Variants in APBA2 observed in about 807,000 individuals in gnomAD.
APBA2 encodes the protein amyloid-beta A4 precursor protein-binding family A member 2.
A neutral mutation model predicts 75.0 loss-of-function variants in APBA2; 30 were observed. That is an observed-to-expected ratio of 0.40 (90% CI 0.30 to 0.54). The LOEUF is 0.54. Ranked by LOEUF, APBA2 falls within the 20% of genes least tolerant of loss-of-function variation. The pLI is 0.49. For synonymous variants in APBA2, 444 were observed against 409.6 expected (o/e 1.08, Z -1.01); for missense variants, 801 against 1,016.1 (o/e 0.79, Z 2.88).
At chr15:28,900,828 C>G (rs2152629859) in intron 1 of APBA2, among the ~76,000 whole-genome samples, 1 of 152,300 alleles carries the variant, frequency 6.6e-6, no homozygotes, top group Admixed American at 6.5e-5. Context: ...GGCACTCACT[C>G]ATTTGCTCAC....
At chr15:29,090,389 A>G (rs2043502032) in intron 6 of APBA2, among the ~76,000 whole-genome samples, 1 of 152,202 alleles carries the variant, frequency 6.6e-6, no homozygotes, top group East Asian at 1.9e-4. Flanking sequence ...GTCTTTCCCA[A>G]ATCTACTCAA....
intron 2 of APBA2, among the ~76,000 whole-genome samples, chr15:28,922,402 C>T (rs1220599582): frequency 6.6e-6 from 1 of 152,210 alleles, no homozygotes; most frequent in African/African-American, 2.4e-5. Context: ...CCCCACAAGG[C>T]GATTGTGCAG....
intron 8 of APBA2, among the ~76,000 whole-genome samples, chr15:29,095,312 C>G (rs2043798081): frequency 6.6e-6 from 1 of 152,050 alleles, no homozygotes; most frequent in Non-Finnish European, 1.5e-5. Context: ...GCCTGTAATT[C>G]CAGATACTCG....
intron 3 of APBA2, among the ~76,000 whole-genome samples, chr15:29,031,565 G>C (rs1202428677): frequency 6.6e-6 from 1 of 152,082 alleles, no homozygotes; most frequent in South Asian, 2.1e-4. Flanking sequence ...TGCCTCCCCG[G>C]TTCAAGTGAT....
At chr15:29,080,316 G>C (rs939177339) in intron 6 of APBA2, among the ~76,000 whole-genome samples, 2 of 152,176 alleles carry the variant, frequency 1.3e-5, no homozygotes, top group Non-Finnish European at 2.9e-5. Flanking sequence ...TCACCACACT[G>C]CACTGCCTGG....
chr15:29,000,253 A>G (rs56679123), intron 3 of APBA2, among the ~76,000 whole-genome samples: 18,260 of 152,232 alleles, frequency 0.12, 1,553 homozygotes, highest in East Asian at 0.27. Flanking sequence ...AATATGAACC[A>G]GATTAGAACA....
intron 4 of APBA2, among the ~76,000 whole-genome samples, chr15:29,061,069 T>C (rs2042110608): frequency 6.6e-6 from 1 of 152,110 alleles, no homozygotes; most frequent in South Asian, 2.1e-4. Flanking sequence ...CCCACACTCC[T>C]GGGGGGCACC....
intron 4 of APBA2, among the ~76,000 whole-genome samples, chr15:29,057,123 A>G (rs901158743): frequency 3.3e-5 from 5 of 151,964 alleles, no homozygotes; most frequent in Admixed American, 6.6e-5. Flanking sequence ...AGTGATCCCT[A>G]TGGTTGAGGC....
chr15:28,926,162 C>A (rs1399897131), intron 2 of APBA2, among the ~76,000 whole-genome samples: 1 of 152,052 alleles, frequency 6.6e-6, no homozygotes, highest in East Asian at 1.9e-4. Context: ...GTGTTTTGAT[C>A]ATTCACATTT....
intron 2 of APBA2, among the ~76,000 whole-genome samples, chr15:28,934,638 G>A (rs923843969): frequency 3.3e-5 from 5 of 152,122 alleles, no homozygotes; most frequent in African/African-American, 9.7e-5. Flanking sequence ...GCTGGATTTG[G>A]TGGTGGCTCA....
At chr15:28,974,747 T>G (rs1426553690) in intron 2 of APBA2, among the ~76,000 whole-genome samples, 1 of 152,126 alleles carries the variant, frequency 6.6e-6, no homozygotes, top group African/African-American at 2.4e-5. Context: ...TGACGATAAT[T>G]AAAATATATC....
intron 6 of APBA2, among the ~76,000 whole-genome samples, chr15:29,080,830 A>G (rs1291207549): frequency 1.3e-5 from 2 of 152,344 alleles, no homozygotes; most frequent in East Asian, 1.9e-4. Flanking sequence ...TGGCAGCTTC[A>G]GTACAAAATA....
chr15:29,044,804 G>T (rs2041221702), intron 3 of APBA2, among the ~76,000 whole-genome samples: 1 of 152,210 alleles, frequency 6.6e-6, no homozygotes, highest in South Asian at 2.1e-4. Context: ...TAGTGTCTTA[G>T]TCAGCTCAGG....
At chr15:28,895,974 G>T (rs967602749) in intron 1 of APBA2, among the ~76,000 whole-genome samples, 5 of 152,170 alleles carry the variant, frequency 3.3e-5, no homozygotes, top group African/African-American at 4.8e-5. Context: ...TTAGTCGGAT[G>T]TGGTGGCTCA....
chr15:29,107,185 ACC>A (rs1461484179), intron 12 of APBA2, among the ~76,000 whole-genome samples: 1 of 151,052 alleles, frequency 6.6e-6, no homozygotes, highest in Non-Finnish European at 1.5e-5. Context: ...CTTCTGGGAA[ACC>A]CCCTCAGTGC....
chr15:28,980,453 G>A (rs1461031732), intron 2 of APBA2, among the ~76,000 whole-genome samples: 2 of 152,122 alleles, frequency 1.3e-5, no homozygotes, highest in Non-Finnish European at 2.9e-5. Context: ...CAAGCTGAGA[G>A]CCAAATCAGG....
At chr15:29,026,942 A>C (rs1566921643) in intron 3 of APBA2, among the ~76,000 whole-genome samples, 1 of 152,098 alleles carries the variant, frequency 6.6e-6, no homozygotes, top group Non-Finnish European at 1.5e-5. Flanking sequence ...AACAAAAAAA[A>C]CCAAATCCTT....
At chr15:29,086,636 A>G (rs2043305244) in intron 6 of APBA2, among the ~76,000 whole-genome samples, 1 of 152,200 alleles carries the variant, frequency 6.6e-6, no homozygotes, top group South Asian at 2.1e-4. Context: ...CCAAGGACAC[A>G]TGATTGTAGA....
At chr15:29,022,455 T>A (rs556732554) in intron 3 of APBA2, among the ~76,000 whole-genome samples, 3 of 152,350 alleles carry the variant, frequency 2.0e-5, no homozygotes, top group Admixed American at 1.3e-4. Flanking sequence ...TCACCTATTT[T>A]ACAATAAGTC....
Sources: allele counts gnomAD v4.1 joint callset (sites outside exome capture counted in the v4.1 genomes callset), GRCh38; gene constraint gnomAD v4.1.1; transcripts MANE v1.5; gene names NCBI Gene and HGNC (gene_info 2026-07-23, HGNC 2026-07-21).